BLTP1: variants seen among roughly 807,000 people sequenced by gnomAD.
BLTP1 encodes bridge-like lipid transfer protein family member 1, also known as fragile site-associated protein.
the BLTP1 span, chr4:122,153,902 G>A: frequency 1.6e-6 from 1 of 618,550 alleles, no homozygotes; most frequent in Non-Finnish European, 2.0e-6. Context: ...CGTAATATTG[G>A]ACTAAAAGAG....
At chr4:122,349,808 T>C in the BLTP1 span, 5 of 1,591,782 alleles carry the variant, frequency 3.1e-6, no homozygotes. This position sits in a 1 kb window ranked among gnomAD's most constrained non-coding sequence, Gnocchi z 4.5. Context: ...TTGTACTTTT[T>C]GAGTATCTGC....
the BLTP1 span, chr4:122,251,145 T>A: frequency 1.0e-6 from 1 of 969,024 alleles, no homozygotes; most frequent in Non-Finnish European, 1.2e-6. Flanking sequence ...CCTAACCTTT[T>A]CCTAAGTCTC....
chr4:122,267,451 G>A, the BLTP1 span: 1 of 154,624 alleles, frequency 6.5e-6, no homozygotes, highest in Non-Finnish European at 1.4e-5. Flanking sequence ...TTGCATTTAT[G>A]AACAGATTAT....
chr4:122,201,184 T>C, the BLTP1 span: 1 of 1,344,470 alleles, frequency 7.4e-7, no homozygotes, highest in Non-Finnish European at 1.0e-6. Flanking sequence ...TTGTTTACAT[T>C]TGATAAGTTT....
chr4:122,167,907 T>A, the BLTP1 span: 1 of 985,332 alleles, frequency 1.0e-6, no homozygotes, highest in Non-Finnish European at 1.2e-6. Flanking sequence ...GTTTGCTCCA[T>A]GAAGATTTTG....
the BLTP1 span, chr4:122,343,628 A>AT: frequency 6.2e-7 from 1 of 1,608,340 alleles, no homozygotes. Context: ...TTGCATGTTT[A>AT]TGTCTTTTTC....
the BLTP1 span, chr4:122,258,875 CCAGACTTA>C: frequency 7.0e-7 from 1 of 1,432,162 alleles, no homozygotes; most frequent in Non-Finnish European, 9.5e-7. Context: ...TTAGAGTTAT[CCAGACTTA>C]CAGAGAAAAC....
the BLTP1 span, chr4:122,183,501 T>C: frequency 2.0e-6 from 2 of 985,264 alleles, no homozygotes; most frequent in South Asian, 9.4e-5. Flanking sequence ...GTCCATCCTT[T>C]CCACAAGCTG....
At chr4:122,227,982 C>T in the BLTP1 span, among the ~76,000 whole-genome samples, 5 of 150,004 alleles carry the variant, frequency 3.3e-5, no homozygotes, top group Non-Finnish European at 4.4e-5. Flanking sequence ...GGCGCCATCT[C>T]GACTCACTGC....
the BLTP1 span, among the ~76,000 whole-genome samples, chr4:122,196,137 A>T: frequency 5.3e-5 from 8 of 152,228 alleles, no homozygotes; most frequent in Admixed American, 2.0e-4. Context: ...TAAAGTGATT[A>T]TGAAACTGAT....
chr4:122,177,808 C>A, the BLTP1 span: 1 of 152,200 alleles, frequency 6.6e-6, no homozygotes, highest in Non-Finnish European at 1.5e-5. Flanking sequence ...AAGCAGCACC[C>A]TCCCCCACAA....
At chr4:122,263,723 ATTTT>A in the BLTP1 span, 1 of 586,272 alleles carries the variant, frequency 1.7e-6, no homozygotes. Flanking sequence ...GTCCATTTAT[ATTTT>A]TAAATGCCTT....
the BLTP1 span, chr4:122,276,074 A>C: frequency 7.0e-7 from 1 of 1,420,384 alleles, no homozygotes; most frequent in Admixed American, 2.6e-5. Flanking sequence ...AGTATTGAAT[A>C]GTTTTTAAAA....
chr4:122,315,877 A>G, the BLTP1 span, among the ~76,000 whole-genome samples: 1 of 152,214 alleles, frequency 6.6e-6, no homozygotes, highest in Non-Finnish European at 1.5e-5. Flanking sequence ...GTTGACTGTC[A>G]TCCAACTTGT....
the BLTP1 span, chr4:122,192,311 T>C: frequency 6.2e-7 from 1 of 1,613,720 alleles, no homozygotes; most frequent in Non-Finnish European, 8.5e-7. Flanking sequence ...TGCCTCCATG[T>C]TGGGGACTGG....
the BLTP1 span, among the ~76,000 whole-genome samples, chr4:122,357,923 A>G: frequency 1.3e-5 from 2 of 152,248 alleles, no homozygotes; most frequent in African/African-American, 4.8e-5. Flanking sequence ...CATAGCATAC[A>G]TTGAAATGCT....
At chr4:122,250,639 C>T in the BLTP1 span, 6 of 1,475,000 alleles carry the variant, frequency 4.1e-6, no homozygotes, top group East Asian at 1.4e-4. Context: ...ACTACATATG[C>T]AATTCAAAAT....
the BLTP1 span, among the ~76,000 whole-genome samples, chr4:122,163,429 G>A: frequency 6.6e-6 from 1 of 152,166 alleles, no homozygotes; most frequent in Admixed American, 6.5e-5. Context: ...TTTCTCGCTT[G>A]TCCCTGGAGT....
chr4:122,313,633 G>A, the BLTP1 span: 2 of 1,587,654 alleles, frequency 1.3e-6, no homozygotes, highest in Admixed American at 1.8e-5. Flanking sequence ...TACAGGTGTA[G>A]TTCCAGATGG....
Sources: allele counts gnomAD v4.1 joint callset (sites outside exome capture counted in the v4.1 genomes callset), GRCh38; gene constraint gnomAD v4.1.1; non-coding constraint Gnocchi (gnomAD v3.1); transcripts MANE v1.5; gene names NCBI Gene and HGNC (gene_info 2026-07-23, HGNC 2026-07-21).